The following ASIC2 variants were observed in gnomAD, a reference collection of about 807,000 sequenced individuals.
ASIC2 encodes the protein acid-sensing ion channel 2.
ASIC2 carries 25 observed loss-of-function variants against 57.3 expected under a neutral mutation model. The observed-to-expected ratio is 0.44, with a 90% confidence interval of 0.32 to 0.61. The LOEUF (loss-of-function observed/expected upper bound fraction) is 0.61, where lower values mean the gene tolerates loss of function less well. Ranked by LOEUF, ASIC2 falls within the 20% of genes least tolerant of loss-of-function variation. The pLI is 0.06. For missense variants in ASIC2, 641 were observed against 738.1 expected, an observed-to-expected ratio of 0.87 and a Z score of 1.52; for synonymous variants, 319 against 307.5, an observed-to-expected ratio of 1.04 and a Z score of -0.39.
chr17:33,352,214 G>A (rs1432760200), intron 1 of ASIC2, among the ~76,000 whole-genome samples: 5 of 152,032 alleles, frequency 3.3e-5, no homozygotes, highest in Admixed American at 3.3e-4. Context: ...TACCTGGCAG[G>A]GACTTCAAAA....
intron 1 of ASIC2, among the ~76,000 whole-genome samples, chr17:33,825,989 G>A (rs78399871): frequency 6.6e-5 from 10 of 152,160 alleles, no homozygotes; most frequent in African/African-American, 1.4e-4. Context: ...TAAACAACTC[G>A]GGAAAAACCT....
intron 1 of ASIC2, among the ~76,000 whole-genome samples, chr17:33,438,217 G>A (rs1911696740): frequency 1.3e-5 from 2 of 152,164 alleles, no homozygotes; most frequent in African/African-American, 4.8e-5. Flanking sequence ...CTTTAAAGAA[G>A]GGTTCAGCTT....
At chr17:33,689,536 C>G (rs1908301112) in intron 1 of ASIC2, among the ~76,000 whole-genome samples, 1 of 152,202 alleles carries the variant, frequency 6.6e-6, no homozygotes. Context: ...TCCACTTCTA[C>G]CCCTGCCCTG....
intron 1 of ASIC2, among the ~76,000 whole-genome samples, chr17:33,648,879 TG>T (rs1213397271): frequency 6.6e-6 from 1 of 152,358 alleles, no homozygotes; most frequent in Non-Finnish European, 1.5e-5. Context: ...CCATTTATGA[TG>T]TTAAAACTTC....
chr17:33,118,279 C>T (rs371643594), intron 1 of ASIC2, among the ~76,000 whole-genome samples: 2 of 152,174 alleles, frequency 1.3e-5, no homozygotes, highest in African/African-American at 4.8e-5. Flanking sequence ...GGCTTTGCTG[C>T]CCTCCCTGGA....
At chr17:34,095,702 GATATATAATTTTATATATAGAGAGATAT>G (rs1359858822) in intron 1 of ASIC2, among the ~76,000 whole-genome samples, 1 of 129,344 alleles carries the variant, frequency 7.7e-6, no homozygotes, top group African/African-American at 2.7e-5. Context: ...TTTATATAGA[GATATATAATTTTATATATAGAGAGATAT>G]ATATATAATT....
intron 2 of ASIC2, among the ~76,000 whole-genome samples, chr17:33,096,181 C>T (rs192920111): frequency 6.6e-6 from 1 of 152,238 alleles, no homozygotes; most frequent in Non-Finnish European, 1.5e-5. Flanking sequence ...TTCTTATTTC[C>T]CTAAAGCATT....
chr17:34,081,273 C>T (rs1909871321), intron 1 of ASIC2, among the ~76,000 whole-genome samples: 1 of 152,142 alleles, frequency 6.6e-6, no homozygotes, highest in African/African-American at 2.4e-5. Flanking sequence ...TGAGAACCAA[C>T]ACCCAGACAT....
At chr17:33,728,819 T>C (rs1421993228) in intron 1 of ASIC2, among the ~76,000 whole-genome samples, 1 of 152,120 alleles carries the variant, frequency 6.6e-6, no homozygotes, top group Non-Finnish European at 1.5e-5. Flanking sequence ...CTGCAGCGCC[T>C]ATGCCCAACA....
At position 33,062,171 on chromosome 17, in the gene ASIC2, C is replaced by T. The variant is rs569120636; in HGVS notation, c.987+26692G>A. 8.5e-5 allele frequency among the ~76,000 whole-genome samples: 13 copies of T among 152,290 alleles called. No individual in the cohort carries two copies. The South Asian group carries it at 1.2e-3, about 15-fold the overall frequency. On this transcript the variant is annotated intron_variant, in intron 3 of 9. Coordinates refer to ENST00000225823, the MANE Select transcript of ASIC2 (RefSeq NM_183377.2). ...TGTGTCTCTATCTCCTTCAGTTCTG[C>T]TCTGATCTTGGTTGTTTCTTGCCTT...
intron 1 of ASIC2, among the ~76,000 whole-genome samples, chr17:33,482,021 TC>T (rs1913424692): frequency 6.6e-6 from 1 of 152,244 alleles, no homozygotes; most frequent in Non-Finnish European, 1.5e-5. Context: ...TCTCCTGATA[TC>T]CATGACCACA....
intron 1 of ASIC2, among the ~76,000 whole-genome samples, chr17:34,143,333 G>A (rs1912324346): frequency 6.6e-6 from 1 of 152,198 alleles, no homozygotes; most frequent in African/African-American, 2.4e-5. Flanking sequence ...AATATATATA[G>A]TATGTCCCCA....
At chr17:33,717,470 A>G (rs981050137) in intron 1 of ASIC2, among the ~76,000 whole-genome samples, 7 of 152,072 alleles carry the variant, frequency 4.6e-5, no homozygotes, top group Admixed American at 1.3e-4. Context: ...CTCCTCACTC[A>G]CCAAGAGTGT....
rs1490799564 is a variant in ASIC2, at chr17:33,416,165, T to A, written c.556-304098A>T. 2.6e-5 allele frequency among the ~76,000 whole-genome samples: 4 copies of A among 152,218 alleles called. No homozygotes were observed. In the East Asian group the frequency reaches 7.7e-4, roughly 29 times the overall value. Reference sequence around the variant, plus strand: ...TCATGCACATGTTCTGAGATGTGACTATGCTGGAGGTCACTCACACACCCA... The same window carrying A: ...TCATGCACATGTTCTGAGATGTGACAATGCTGGAGGTCACTCACACACCCA... On this transcript the variant is annotated intron_variant, in intron 1 of 9. Transcript: ENST00000359872.
At position 33,013,592 on chromosome 17, in the gene ASIC2, C is replaced by T. The variant is rs755521838; in HGVS notation, c.*373G>A. ...GGACCTGGAATCTGGTCCCACTGCACGGGCAGCAGTGTGGACACTGGAAAC... is the reference window on the plus strand; with the variant it reads ...GGACCTGGAATCTGGTCCCACTGCATGGGCAGCAGTGTGGACACTGGAAAC... On this transcript the variant is annotated 3_prime_UTR_variant, in exon 10 of 10. Coordinates refer to ENST00000225823, the MANE Select transcript of ASIC2 (RefSeq NM_183377.2). 4.0e-5 allele frequency: 9 copies of T among 225,558 alleles called. No individual in the cohort carries two copies. The highest frequency in any genetic ancestry group is 1.9e-4 in the South Asian group (2 of 10,736). 14.0% of individuals were successfully genotyped at this position (225,558 alleles called of 1,614,324 possible).
At chr17:33,658,897 G>A (rs1379223393) in intron 1 of ASIC2, among the ~76,000 whole-genome samples, 1 of 152,158 alleles carries the variant, frequency 6.6e-6, no homozygotes, top group Non-Finnish European at 1.5e-5. Flanking sequence ...TAGCTACTCG[G>A]GAGGCTGAGG....
chr17:33,632,467 C>T (rs765853481), intron 1 of ASIC2, among the ~76,000 whole-genome samples: 1 of 152,160 alleles, frequency 6.6e-6, no homozygotes, highest in African/African-American at 2.4e-5. Context: ...TCCCTAGTCA[C>T]ATGTTTTGTA....
chr17:33,375,170 C>T (rs534143043), intron 1 of ASIC2, among the ~76,000 whole-genome samples: 1 of 152,130 alleles, frequency 6.6e-6, no homozygotes, highest in East Asian at 1.9e-4. Context: ...AGGCAGAGAG[C>T]CCTGTGGTGG....
intron 1 of ASIC2, among the ~76,000 whole-genome samples, chr17:33,519,431 G>A (rs1914675569): frequency 6.6e-6 from 1 of 152,136 alleles, no homozygotes; most frequent in African/African-American, 2.4e-5. Flanking sequence ...CATTTGACGA[G>A]CTATGACCCC....
Sources: gnomAD v4.1 joint callset for allele counts (sites outside exome capture counted in the v4.1 genomes callset) on GRCh38, gnomAD v4.1.1 for gene constraint, MANE v1.5 for transcripts, NCBI Gene and HGNC (gene_info 2026-07-23, HGNC 2026-07-21) for gene names.